Variants in FAM193A observed in about 807,000 individuals in gnomAD.
FAM193A encodes protein FAM193A.
Under a neutral mutation model 126.5 loss-of-function variants are expected in FAM193A, and 22 were observed. That is an observed-to-expected ratio of 0.17 (90% CI 0.12 to 0.25). FAM193A has a LOEUF of 0.25. Ranked by LOEUF, FAM193A falls within the 10% of genes least tolerant of loss-of-function variation. The probability of loss-of-function intolerance (pLI) is 1.00; values close to 1 mark genes in which losing one functional copy is unlikely to be tolerated. For missense variants in FAM193A, 1,675 were observed against 1,672.8 expected, an observed-to-expected ratio of 1.00 and a Z score of -0.02; for synonymous variants, 761 against 646.8, an observed-to-expected ratio of 1.18 and a Z score of -2.68.
chr4:2,661,842 G>A (rs1712483440), intron 10 of FAM193A, among the ~76,000 whole-genome samples: 1 of 152,144 alleles, frequency 6.6e-6, no homozygotes, highest in Non-Finnish European at 1.5e-5. Flanking sequence ...ATGCACCAGA[G>A]CTGCATCTTA....
intron 1 of FAM193A, among the ~76,000 whole-genome samples, chr4:2,578,056 A>G (rs772566939): frequency 2.6e-4 from 39 of 152,036 alleles, no homozygotes; most frequent in Non-Finnish European, 3.7e-4. Context: ...TTAGGACTGT[A>G]ATTGTAGATT....
Position 2,639,776 on chromosome 4 carries a change from G to C in FAM193A, c.1080G>C (p.Leu360=), listed in dbSNP as rs1006987647. ...AAAAGTTCCAAGTGACGTGGGAACT[G>C]CATAATAAACACCTGTTTGAAAATC... ...HLKKFQVTWE[L]HNKHLFENLV... Residue 360 remains leucine, a synonymous_variant, in exon 6 of 21, where the codon CTG becomes CTC. Transcript: ENST00000637812. The C allele has an allele frequency of 5.6e-6, 9 of 1,613,464 alleles. 1 individual carries two copies. In the African/African-American group the frequency reaches 1.2e-4, roughly 22 times the overall value.
At position 2,678,073 on chromosome 4, in the gene FAM193A, C is replaced by T. The variant is rs551975798; in HGVS notation, c.2331+5701C>T. On this transcript the variant is annotated intron_variant, in intron 13 of 20. Coordinates refer to ENST00000637812, the MANE Select transcript of FAM193A (RefSeq NM_001366318.2). ...GAATGCAGTGGCATGATCCCGCTCACTGCAACCTCCACCTCCTGGTTTCAA... is the reference window on the plus strand; with the variant it reads ...GAATGCAGTGGCATGATCCCGCTCATTGCAACCTCCACCTCCTGGTTTCAA... Among the ~76,000 whole-genome samples the T allele has an allele frequency of 3.9e-5, 6 of 152,122 alleles. No individual in the cohort carries two copies. The East Asian group carries it at 1.2e-3, about 30-fold the overall frequency.
At chr4:2,691,948 T>C (rs1163919571) in intron 15 of FAM193A, among the ~76,000 whole-genome samples, 1 of 152,114 alleles carries the variant, frequency 6.6e-6, no homozygotes, top group African/African-American at 2.4e-5. Context: ...GTCAGCATGC[T>C]GCACCCCCAG....
Position 2,700,489 on chromosome 4 carries a change from G to C in FAM193A, c.4317G>C (p.Lys1439Asn), listed in dbSNP as rs1260933431. The C allele has an allele frequency of 6.2e-7, 1 of 1,613,574 alleles. No individual in the cohort carries two copies. Residue 1439 changes from lysine (K) to asparagine (N), a missense_variant, in exon 19 of 21, where the codon AAG (lysine) becomes AAC (asparagine). Lys to Asn is a moderately conservative substitution (Grantham distance 94). Around this residue, in one of 4 missense-constraint regions of FAM193A, gnomAD observed 415 missense variants for 396.7 expected, o/e 1.05. Transcript: ENST00000637812. Reference protein sequence around the residue: ...KLVLAESPQPKGKNKKNKKKK... With the variant: ...KLVLAESPQPNGKNKKNKKKK... ...TGCTGGCAGAGTCCCCTCAGCCAAA[G>C]GGCAAGAACAAGAAAAATAAGAAGA...
intron 1 of FAM193A, among the ~76,000 whole-genome samples, chr4:2,582,484 TTTC>T (rs971705549): frequency 2.0e-5 from 3 of 152,170 alleles, no homozygotes; most frequent in African/African-American, 7.2e-5. Flanking sequence ...TCTCTCTTTC[TTTC>T]TTATTTTCAT....
chr4:2,541,611 A>G (rs1190142640), intron 1 of FAM193A, among the ~76,000 whole-genome samples: 2 of 150,892 alleles, frequency 1.3e-5, no homozygotes, highest in African/African-American at 2.4e-5. Context: ...ACGCCCAGCT[A>G]ATTTTTGTAT....
chr4:2,702,590 G>A (rs892010421), intron 19 of FAM193A, among the ~76,000 whole-genome samples: 4 of 152,160 alleles, frequency 2.6e-5, no homozygotes, highest in Admixed American at 6.6e-5. Flanking sequence ...TGTACAAGCC[G>A]TGAGTTCCCA....
At chr4:2,631,925 A>G (rs993496966) in intron 5 of FAM193A, among the ~76,000 whole-genome samples, 9 of 152,234 alleles carry the variant, frequency 5.9e-5, no homozygotes, top group African/African-American at 1.9e-4. Flanking sequence ...CTAATAGTCT[A>G]TGGAGTTTTT....
At chr4:2,692,262 G>T (rs577896237) in intron 15 of FAM193A, among the ~76,000 whole-genome samples, 20 of 152,310 alleles carry the variant, frequency 1.3e-4, no homozygotes, top group African/African-American at 4.3e-4. Flanking sequence ...ACACGGCGAA[G>T]GGGGAAGCCC....
chr4:2,635,312 C>G (rs866007183), intron 5 of FAM193A, among the ~76,000 whole-genome samples: 7 of 152,052 alleles, frequency 4.6e-5, no homozygotes, highest in Non-Finnish European at 8.8e-5. Flanking sequence ...GACTTAGGCC[C>G]CTTTATACTT....
At chr4:2,603,654 T>C (rs573637373) in intron 2 of FAM193A, among the ~76,000 whole-genome samples, 2 of 151,030 alleles carry the variant, frequency 1.3e-5, no homozygotes, top group East Asian at 3.9e-4. Flanking sequence ...AGAGACGGGG[T>C]TTCACCATGT....
chr4:2,638,055 A>G (rs1744257374), intron 5 of FAM193A, among the ~76,000 whole-genome samples: 1 of 152,234 alleles, frequency 6.6e-6, no homozygotes, highest in South Asian at 2.1e-4. Context: ...TTCCACTCAT[A>G]GACAGGCAGG....
intron 1 of FAM193A, among the ~76,000 whole-genome samples, chr4:2,537,718 G>A (rs1736973903): frequency 6.6e-6 from 1 of 152,234 alleles, no homozygotes; most frequent in South Asian, 2.1e-4. Context: ...GGGCCTCCCG[G>A]AAGTTTTCCT....
intron 2 of FAM193A, among the ~76,000 whole-genome samples, chr4:2,601,934 G>A (rs1741223410): frequency 6.6e-6 from 1 of 152,146 alleles, no homozygotes; most frequent in Middle Eastern, 3.4e-3. Context: ...CACCTCCCAG[G>A]TTCAAGGGAT....
intron 1 of FAM193A, among the ~76,000 whole-genome samples, chr4:2,549,642 C>T (rs1176629172): frequency 4.0e-5 from 6 of 151,588 alleles, no homozygotes; most frequent in Non-Finnish European, 7.4e-5. Flanking sequence ...GTGATCCGCC[C>T]GCCTCAGCCT....
chr4:2,547,604 C>CTGTGTGTG (rs34348453), intron 1 of FAM193A, among the ~76,000 whole-genome samples: 29 of 144,870 alleles, frequency 2.0e-4, no homozygotes, highest in African/African-American at 6.4e-4. Flanking sequence ...GTGTGTGTGT[C>CTGTGTGTG]TGTGTGTGTG....
intron 2 of FAM193A, among the ~76,000 whole-genome samples, chr4:2,603,649 C>T (rs555251174): frequency 6.6e-5 from 10 of 151,372 alleles, no homozygotes; most frequent in South Asian, 4.2e-4. Flanking sequence ...TTAGTAGAGA[C>T]GGGGTTTCAC....
chr4:2,693,845 C>T lies in FAM193A; in HGVS notation c.3063C>T (p.Gly1021=). 2 of 1,614,188 alleles carry T rather than the reference C, an allele frequency of 1.2e-6. No homozygotes were observed. Among genetic ancestry groups the T allele is most frequent in the South Asian group, 1.1e-5 (1 of 91,068 alleles). ...CPAPLPPATD[G]SISAPPSVCS... ...CACCCCTACCCCCGGCCACAGATGGCTCCATTAGCGCCCCTCCAAGTGTCT... is the reference window on the plus strand; with the variant it reads ...CACCCCTACCCCCGGCCACAGATGGTTCCATTAGCGCCCCTCCAAGTGTCT... Residue 1021 remains glycine (G), a synonymous_variant, in exon 16 of 21, where the codon GGC becomes GGT. Coordinates refer to ENST00000637812, the MANE Select transcript of FAM193A (RefSeq NM_001366318.2).
Sources: allele counts gnomAD v4.1 joint callset (sites outside exome capture counted in the v4.1 genomes callset), GRCh38; gene constraint gnomAD v4.1.1; regional missense constraint gnomAD v4.1.1; transcripts MANE v1.5; gene names NCBI Gene and HGNC (gene_info 2026-07-23, HGNC 2026-07-21).